The following SMC6 variants were observed in gnomAD, a reference collection of about 807,000 sequenced individuals.
SMC6 encodes the protein structural maintenance of chromosomes protein 6.
A neutral mutation model predicts 142.2 loss-of-function variants in SMC6; 79 were observed. The observed-to-expected ratio is 0.56, with a 90% CI of 0.46 to 0.67. The LOEUF is 0.67. Among genes scored for constraint, SMC6 ranks in the 30% least tolerant of loss-of-function variants. The pLI is 0.00. For synonymous variants in SMC6, 411 were observed against 412.4 expected, an observed-to-expected ratio of 1.00 and a Z score of 0.04; for missense variants, 1,072 against 1,284.0, an observed-to-expected ratio of 0.83 and a Z score of 2.52.
At chr2:17,686,801 T>C (rs983227322) in intron 23 of SMC6, among the ~76,000 whole-genome samples, 4 of 152,218 alleles carry the variant, frequency 2.6e-5, no homozygotes, top group South Asian at 4.1e-4. Flanking sequence ...GAATCAGGAA[T>C]GACAGTGATG....
At chr2:17,691,045 G>A (rs868815555) in intron 23 of SMC6, among the ~76,000 whole-genome samples, 1 of 151,084 alleles carries the variant, frequency 6.6e-6, no homozygotes, top group East Asian at 2.0e-4. Context: ...AGATTAAAAC[G>A]CAGCTATCCA....
chr2:17,718,801 G>A (rs994390727), intron 11 of SMC6, among the ~76,000 whole-genome samples: 6 of 152,150 alleles, frequency 3.9e-5, no homozygotes, highest in African/African-American at 1.2e-4. Context: ...CGAGATGAAG[G>A]GGTAGAAGGG....
intron 23 of SMC6, among the ~76,000 whole-genome samples, chr2:17,694,453 G>GT (rs575410630): frequency 4.5e-4 from 68 of 152,280 alleles, no homozygotes; most frequent in African/African-American, 1.6e-3. Flanking sequence ...ACTGGAGTAT[G>GT]TAATAACAAC....
intron 2 of SMC6, among the ~76,000 whole-genome samples, chr2:17,749,515 C>T (rs921705022): frequency 6.6e-6 from 1 of 152,072 alleles, no homozygotes. Context: ...TGGTGAAACC[C>T]CGTCTCTACT....
rs140960737 is a variant in SMC6, at chr2:17,739,558, T to C, written c.239-1232A>G. Reference sequence around the variant, plus strand: ...TATTTGGGAGGCTAAGGTGGGAGGATTACTTGAACCTGGGAGGTAGAGGTT... The same window carrying C: ...TATTTGGGAGGCTAAGGTGGGAGGACTACTTGAACCTGGGAGGTAGAGGTT... On this transcript the variant is annotated intron_variant, in intron 4 of 27. Coordinates refer to ENST00000448223, the MANE Select transcript of SMC6 (RefSeq NM_001142286.2). 5.3e-5 allele frequency among the ~76,000 whole-genome samples: 8 copies of C among 152,100 alleles called. No individual in the cohort carries two copies. The East Asian group carries it at 1.5e-3, about 29-fold the overall frequency.
intron 2 of SMC6, among the ~76,000 whole-genome samples, chr2:17,748,441 AT>A (rs1670861609): frequency 6.6e-6 from 1 of 152,274 alleles, no homozygotes; most frequent in Admixed American, 6.5e-5. Context: ...AAAGAAGGAT[AT>A]TTAACCTAAA....
intron 16 of SMC6, chr2:17,713,692 A>G (rs538600897): frequency 9.4e-6 from 3 of 318,636 alleles, no homozygotes; most frequent in South Asian, 7.8e-5. Flanking sequence ...CTTCTCTTGC[A>G]TTCAATTAAC....
Position 17,707,294 on chromosome 2 carries a change from A to G in SMC6, c.1931T>C (p.Val644Ala), listed in dbSNP as rs1191940457. 1.9e-6 allele frequency: 3 copies of G among 1,603,724 alleles called. No individual in the cohort carries two copies. The highest frequency in any genetic ancestry group is 2.6e-6 in the Non-Finnish European group (3 of 1,175,436). ...REAFTADGDQ[V>A]FAGRYYSSEN... is the part of the protein sequence containing the mutation. ...AGATGAATAATAACGTCCTGCAAAA[A>G]CTTGATCACCATCAGCAGTAAAAGC... Residue 644 changes from valine to alanine, a missense_variant, in exon 18 of 28, where the codon GTT becomes GCT. This residue lies in a region of SMC6 where 994 missense variants were observed against 1,153.2 expected (regional missense o/e 0.86). Coordinates refer to ENST00000448223, the MANE Select transcript of SMC6 (RefSeq NM_001142286.2).
intron 21 of SMC6, 77 bp downstream of exon 21, chr2:17,700,131 C>A: frequency 1.0e-6 from 1 of 953,948 alleles, no homozygotes; most frequent in Non-Finnish European, 1.5e-6. Context: ...TTCTTTTAGG[C>A]CAATATCCAT....
At chr2:17,692,420 A>T (rs1667775950) in intron 23 of SMC6, among the ~76,000 whole-genome samples, 1 of 152,202 alleles carries the variant, frequency 6.6e-6, no homozygotes, top group Non-Finnish European at 1.5e-5. Flanking sequence ...CAACTATCTG[A>T]TTTTTGACAA....
At chr2:17,668,246 A>G (rs1666594018) in intron 26 of SMC6, among the ~76,000 whole-genome samples, 19 of 152,240 alleles carry the variant, frequency 1.2e-4, no homozygotes, top group Admixed American at 1.2e-3. Context: ...GCATGGAAAG[A>G]ATAATCATCT....
intron 24 of SMC6, 99 bp downstream of exon 24, chr2:17,683,539 G>T: frequency 9.3e-7 from 1 of 1,070,740 alleles, no homozygotes; most frequent in Non-Finnish European, 1.3e-6. Flanking sequence ...AACAAAGCAA[G>T]CATTAATAGT....
At chr2:17,747,009 T>G (rs970413958) in intron 2 of SMC6, among the ~76,000 whole-genome samples, 13 of 152,144 alleles carry the variant, frequency 8.5e-5, no homozygotes, top group African/African-American at 3.1e-4. Context: ...AAGTGGGTAG[T>G]CTGGACTTCC....
intron 16 of SMC6, among the ~76,000 whole-genome samples, chr2:17,709,631 G>A (rs542205672): frequency 2.6e-5 from 4 of 152,284 alleles, no homozygotes; most frequent in Admixed American, 1.3e-4. Context: ...TGTGCCAGGT[G>A]CTGTTCCAGA....
intron 23 of SMC6, among the ~76,000 whole-genome samples, chr2:17,685,156 AATG>A (rs1402515910): frequency 2.0e-5 from 3 of 152,102 alleles, no homozygotes; most frequent in Admixed American, 1.3e-4. Context: ...GGTTAGACAA[AATG>A]ATAACTAGAG....
intron 9 of SMC6, among the ~76,000 whole-genome samples, chr2:17,722,485 C>T (rs901970011): frequency 1.3e-5 from 2 of 152,108 alleles, no homozygotes; most frequent in Admixed American, 1.3e-4. Context: ...ATACCCATCC[C>T]TTGGCACCAC....
At chr2:17,693,691 T>C (rs1667843824) in intron 23 of SMC6, among the ~76,000 whole-genome samples, 1 of 150,782 alleles carries the variant, frequency 6.6e-6, no homozygotes, top group Non-Finnish European at 1.5e-5. Flanking sequence ...ATAATAAAAA[T>C]AAAAAATAAA....
intron 22 of SMC6, 63 bp from the exon 23 acceptor site, chr2:17,695,360 T>C: frequency 6.9e-7 from 1 of 1,447,090 alleles, no homozygotes. Flanking sequence ...ATTATACTAC[T>C]TGTGCCAAAA....
At position 17,721,229 on chromosome 2, in the gene SMC6, C is replaced by G. The variant is rs922891802; in HGVS notation, c.759G>C (p.Glu253Asp). The change falls in exon 10 of 28, where the codon GAG becomes GAC. Residue 253 changes from glutamate (E) to aspartate (D), a missense_variant. Physicochemically the swap from Glu to Asp is conservative, Grantham distance 45. This residue lies in a region of SMC6 where 994 missense variants were observed against 1,153.2 expected (regional missense o/e 0.86). Coordinates refer to ENST00000448223, the MANE Select transcript of SMC6 (RefSeq NM_001142286.2). ...CAATACTTTGAAAACGTTCCTCTTT[C>G]TCTACACACTGGCGCTTTAGTTCAG... Reference protein sequence around the residue: ...RLTELKRQCVEKEERFQSIAG... With the variant: ...RLTELKRQCVDKEERFQSIAG... 1.2e-6 allele frequency: 2 copies of G among 1,609,030 alleles called. No homozygotes were observed.
Sources: gnomAD v4.1 joint callset for allele counts (sites outside exome capture counted in the v4.1 genomes callset) on GRCh38, gnomAD v4.1.1 for gene constraint, gnomAD v4.1.1 regional missense constraint, MANE v1.5 for transcripts, NCBI Gene and HGNC (gene_info 2026-07-23, HGNC 2026-07-21) for gene names.